The following CNTNAP2 variants were observed in gnomAD, a reference collection of about 807,000 sequenced individuals.
CNTNAP2 encodes the protein contactin associated protein 2, also known as contactin-associated protein-like 2.
Under a neutral mutation model 155.2 loss-of-function variants are expected in CNTNAP2, and 98 were observed. The ratio of observed to expected loss-of-function variants is 0.63; its 90% CI spans 0.54 to 0.75. CNTNAP2 has a LOEUF of 0.75. Ranked by LOEUF, CNTNAP2 falls within the 30% of genes least tolerant of loss-of-function variation. The pLI is 0.00. For synonymous variants in CNTNAP2, 651 were observed against 631.2 expected, an observed-to-expected ratio of 1.03 and a Z score of -0.47; for missense variants, 1,727 against 1,688.1, an observed-to-expected ratio of 1.02 and a Z score of -0.40.
intron 21 of CNTNAP2, among the ~76,000 whole-genome samples, chr7:148,312,271 T>C (rs1697345768): frequency 1.3e-5 from 2 of 152,266 alleles, no homozygotes; most frequent in South Asian, 4.2e-4. Context: ...AATTGTTGTT[T>C]TGTAGAAGGG....
At chr7:147,234,935 A>G (rs1451710855) in intron 8 of CNTNAP2, among the ~76,000 whole-genome samples, 1 of 152,154 alleles carries the variant, frequency 6.6e-6, no homozygotes, top group Admixed American at 6.5e-5. Flanking sequence ...TATTTGATGC[A>G]GACGCTTTGA....
intron 12 of CNTNAP2, among the ~76,000 whole-genome samples, chr7:147,635,960 C>G (rs979880163): frequency 6.6e-6 from 1 of 152,132 alleles, no homozygotes; most frequent in African/African-American, 2.4e-5. Context: ...CAGAGGCTGA[C>G]TGTAACAGAA....
chr7:146,943,848 T>G (rs766729885), intron 3 of CNTNAP2, among the ~76,000 whole-genome samples: 11 of 152,322 alleles, frequency 7.2e-5, no homozygotes, highest in Non-Finnish European at 1.5e-4. Flanking sequence ...ACTGGAGAGA[T>G]AAACTGCTTA....
intron 9 of CNTNAP2, among the ~76,000 whole-genome samples, chr7:147,313,672 A>T (rs1563156458): frequency 6.6e-6 from 1 of 152,068 alleles, no homozygotes. Context: ...GTAGCCTTGT[A>T]GTATAGCTTG....
At chr7:147,979,322 C>T (rs1005617892) in intron 15 of CNTNAP2, among the ~76,000 whole-genome samples, 3 of 151,838 alleles carry the variant, frequency 2.0e-5, no homozygotes, top group African/African-American at 7.3e-5. Context: ...TTTCAACTGC[C>T]TAAGAAAAGG....
At chr7:147,120,788 C>G (rs560646450) in intron 5 of CNTNAP2, among the ~76,000 whole-genome samples, 191 bp from the exon 6 acceptor site, 13 of 152,102 alleles carry the variant, frequency 8.5e-5, no homozygotes, top group South Asian at 8.3e-4. Flanking sequence ...CCCCCTACCC[C>G]CAACCCACAA....
At position 148,253,679 on chromosome 7, in the gene CNTNAP2, G is replaced by A. The variant is rs1041505919; in HGVS notation, c.3382-13354G>A. ...CAGGGGGTCTGCACCACCCCCAGCAGCCAAGTTACCCTGTGACAGTCATTC... is the reference window on the plus strand; with the variant it reads ...CAGGGGGTCTGCACCACCCCCAGCAACCAAGTTACCCTGTGACAGTCATTC... On this transcript the variant is annotated intron_variant, in intron 20 of 23. Coordinates refer to ENST00000361727, the MANE Select transcript of CNTNAP2 (RefSeq NM_014141.6). Among the ~76,000 whole-genome samples the A allele has an allele frequency of 2.0e-5, 3 of 152,132 alleles. No individual in the cohort carries two copies. In the East Asian group the frequency reaches 5.8e-4, roughly 29 times the overall value.
intron 12 of CNTNAP2, among the ~76,000 whole-genome samples, chr7:147,618,115 GA>G (rs1413953520): frequency 6.6e-6 from 1 of 152,082 alleles, no homozygotes; most frequent in African/African-American, 2.4e-5. Flanking sequence ...GAAATTTAAA[GA>G]TATAGAAAAT....
At chr7:147,698,044 T>C (rs1405384194) in intron 13 of CNTNAP2, among the ~76,000 whole-genome samples, 2 of 152,282 alleles carry the variant, frequency 1.3e-5, no homozygotes, top group South Asian at 2.1e-4. Context: ...TACTGGCTCA[T>C]AATGAGTTTT....
chr7:146,930,013 C>T (rs1273461310), intron 3 of CNTNAP2, among the ~76,000 whole-genome samples: 1 of 152,150 alleles, frequency 6.6e-6, no homozygotes, highest in Non-Finnish European at 1.5e-5. Flanking sequence ...GGAAAACACT[C>T]TGCAGGATAT....
chr7:148,400,642 T>C (rs1024513787), intron 22 of CNTNAP2, among the ~76,000 whole-genome samples: 1 of 152,172 alleles, frequency 6.6e-6, no homozygotes, highest in Non-Finnish European at 1.5e-5. Flanking sequence ...CTTTAAATTG[T>C]CTCTTGTAGA....
chr7:146,606,080 A>T (rs1799042150), intron 1 of CNTNAP2, among the ~76,000 whole-genome samples: 1 of 152,192 alleles, frequency 6.6e-6, no homozygotes, highest in Non-Finnish European at 1.5e-5. Flanking sequence ...AGCAGATTTG[A>T]TTGCAGTCAT....
At chr7:146,899,492 CTGCA>C (rs5888227) in intron 3 of CNTNAP2, among the ~76,000 whole-genome samples, 47,658 of 151,782 alleles carry the variant, frequency 0.31, 7,961 homozygotes, top group Non-Finnish European at 0.36. Context: ...TTCACTTTCC[CTGCA>C]TGCATTGAAC....
intron 1 of CNTNAP2, among the ~76,000 whole-genome samples, chr7:146,290,591 T>G (rs1584851313): frequency 6.6e-6 from 1 of 152,334 alleles, no homozygotes; most frequent in East Asian, 1.9e-4. Flanking sequence ...GATGTTTAGT[T>G]TTTTGCTTCC....
chr7:147,082,184 C>T (rs1471087094), intron 4 of CNTNAP2: 1 of 152,170 alleles, frequency 6.6e-6, no homozygotes, highest in Non-Finnish European at 1.5e-5. Context: ...GCTATTTAAA[C>T]ATTAGCATTT....
chr7:146,779,435 T>C (rs1465867048), intron 2 of CNTNAP2, among the ~76,000 whole-genome samples: 1 of 152,054 alleles, frequency 6.6e-6, no homozygotes, highest in African/African-American at 2.4e-5. Context: ...AACCCAACAC[T>C]CTTTATATGT....
chr7:148,166,459 C>G (rs1368807363), intron 17 of CNTNAP2, among the ~76,000 whole-genome samples: 1 of 150,802 alleles, frequency 6.6e-6, no homozygotes, highest in East Asian at 2.0e-4. Flanking sequence ...CAACTTAGCT[C>G]TTTATTAAGT....
At chr7:147,856,106 A>T (rs1799033256) in intron 13 of CNTNAP2, among the ~76,000 whole-genome samples, 1 of 152,094 alleles carries the variant, frequency 6.6e-6, no homozygotes, top group Admixed American at 6.6e-5. Flanking sequence ...TTTCTTGCTA[A>T]CCCAACGCAG....
intron 1 of CNTNAP2, among the ~76,000 whole-genome samples, chr7:146,456,911 C>T (rs894908352): frequency 6.6e-6 from 1 of 152,130 alleles, no homozygotes; most frequent in Non-Finnish European, 1.5e-5. Flanking sequence ...GAAAGACAGT[C>T]TTAGAAATCA....
Sources: allele counts gnomAD v4.1 joint callset (sites outside exome capture counted in the v4.1 genomes callset), GRCh38; gene constraint gnomAD v4.1.1; transcripts MANE v1.5; gene names NCBI Gene and HGNC (gene_info 2026-07-23, HGNC 2026-07-21).